The following GNB1L variants were observed in gnomAD, a reference collection of about 807,000 sequenced individuals.
GNB1L encodes the protein guanine nucleotide-binding protein subunit beta-like protein 1.
In GNB1L, 20 loss-of-function variants were observed where a neutral mutation model predicts 29.1. The ratio of observed to expected loss-of-function variants is 0.69; its 90% CI spans 0.48 to 1.00. The LOEUF is 1.00. Among genes scored for constraint, GNB1L ranks in the 50% least tolerant of loss-of-function variants. The probability of loss-of-function intolerance (pLI) is 0.00; values close to 1 mark genes in which losing one functional copy is unlikely to be tolerated. For missense variants in GNB1L, 421 were observed against 464.9 expected (o/e 0.91, Z 0.87); for synonymous variants, 193 against 206.5 (o/e 0.93, Z 0.56).
chr22:19,851,779 G>A (rs1403455020), intron 2 of GNB1L: 2 of 1,613,580 alleles, frequency 1.2e-6, no homozygotes, highest in East Asian at 2.2e-5. Flanking sequence ...GCAGGGGCAG[G>A]TCCCCATCAA....
At chr22:19,824,957 C>T (rs1180480652) in intron 2 of GNB1L, among the ~76,000 whole-genome samples, 1 of 152,214 alleles carries the variant, frequency 6.6e-6, no homozygotes, top group Non-Finnish European at 1.5e-5. Context: ...GCTGCACAGC[C>T]CTGTGCTCAG....
At chr22:19,824,495 T>A (rs980227742) in intron 2 of GNB1L, among the ~76,000 whole-genome samples, 2 of 152,252 alleles carry the variant, frequency 1.3e-5, no homozygotes, top group African/African-American at 2.4e-5. Context: ...GTGAGCCACA[T>A]TCTTTGAAAA....
intron 2 of GNB1L, among the ~76,000 whole-genome samples, chr22:19,824,447 C>T (rs1937603539): frequency 1.3e-5 from 2 of 152,216 alleles, no homozygotes; most frequent in Admixed American, 1.3e-4. Flanking sequence ...ATCCACAGAG[C>T]ACAACTTTGG....
rs573662126 is a variant in GNB1L at position 19,813,200 on chromosome 22, C to A, written c.255-753G>T. Among the ~76,000 whole-genome samples the A allele has an allele frequency of 3.9e-5, 6 of 152,288 alleles. No individual in the cohort carries two copies. In the East Asian group the frequency reaches 1.2e-3, roughly 29 times the overall value. ...AAGCACAGGTCAGCGGGCACCCAGG[C>A]GTCTCCCGGTGCTGTCCACTGAGAA... On this transcript the variant is annotated intron_variant, in intron 4 of 7. Transcript: ENST00000329517.
intron 7 of GNB1L, among the ~76,000 whole-genome samples, chr22:19,789,908 C>A (rs1452345781): frequency 6.6e-6 from 1 of 151,880 alleles, no homozygotes; most frequent in Non-Finnish European, 1.5e-5. Context: ...CTTTGGTGGC[C>A]AGACAAAAAG....
chr22:19,847,790 C>T lies in GNB1L; in HGVS notation c.-21+6653G>A, dbSNP rs1018959510. The T allele has an allele frequency of 3.6e-5, 27 of 741,632 alleles. No homozygotes were observed. The African/African-American group carries it at 8.6e-4, about 24-fold the overall frequency. 45.9% of individuals were successfully genotyped at this position (741,632 alleles called of 1,614,324 possible). On this transcript the variant is annotated intron_variant, in intron 2 of 7. Transcript: ENST00000329517. ...TCTGGGCATCTAAAACTTTTAAAAT[C>T]CTGGAATCATAGGCAAAAAAAAAAA...
chr22:19,814,004 A>C (rs28705333), intron 4 of GNB1L, among the ~76,000 whole-genome samples: 1 of 152,186 alleles, frequency 6.6e-6, no homozygotes, highest in Non-Finnish European at 1.5e-5. Context: ...AAAATAAAAA[A>C]GGATCGGGGA....
rs1235046403 is a variant in GNB1L at position 19,816,242 on chromosome 22, G to A, written c.255-3795C>T. The stretch of plus-strand genomic sequence containing the variant: ...TTCCTCAGATGACACCAGTCGTCAC[G>A]CTGCGAGGCACACGATGTGACCTGC... On this transcript the variant is annotated intron_variant, in intron 4 of 7. Transcript: ENST00000329517. The surrounding 1 kb of genome is among the most constrained non-coding windows in gnomAD (Gnocchi z 4.4). 6.6e-6 allele frequency among the ~76,000 whole-genome samples: 1 copy of A among 152,314 alleles called. No individual in the cohort carries two copies. Among genetic ancestry groups the A allele is most frequent in the East Asian group, 1.9e-4 (1 of 5,172 alleles).
chr22:19,848,950 T>C (rs1938029210), intron 2 of GNB1L: 1 of 985,390 alleles, frequency 1.0e-6, no homozygotes, highest in South Asian at 4.7e-5. Context: ...TGGGTTCTAC[T>C]GCCAGACCCA....
rs556547826 is a variant in GNB1L, at chr22:19,786,628, G to C, written c.*2081C>G. 6.6e-6 allele frequency: 1 copy of C among 152,226 alleles called. No homozygotes were observed. Among genetic ancestry groups the C allele is most frequent in the Non-Finnish European group, 1.5e-5 (1 of 68,064 alleles). The allele number at this position is 152,226 out of a possible 1,614,324, so 9.4% of individuals were successfully genotyped here. ...GAACCCTCAGGGTGGGAGCTGAGGC[G>C]GGGCAGATGTGCCTTTGGCAAGGCT... is the stretch of plus-strand genomic sequence containing the variant. On this transcript the variant is annotated 3_prime_UTR_variant, in exon 8 of 8. Transcript: ENST00000329517.
chr22:19,842,222 A>C (rs1937874174), intron 2 of GNB1L, among the ~76,000 whole-genome samples: 1 of 152,194 alleles, frequency 6.6e-6, no homozygotes, highest in African/African-American at 2.4e-5. Context: ...ATCTCCCAAA[A>C]AGCCTCACAC....
intron 7 of GNB1L, among the ~76,000 whole-genome samples, chr22:19,800,690 C>T (rs915819472): frequency 6.6e-6 from 1 of 152,232 alleles, no homozygotes; most frequent in Non-Finnish European, 1.5e-5. Context: ...CTTGTGCCCC[C>T]ATCCCCAGGA....
chr22:19,833,912 T>C (rs1219690793), intron 2 of GNB1L, among the ~76,000 whole-genome samples: 1 of 149,798 alleles, frequency 6.7e-6, no homozygotes, highest in Non-Finnish European at 1.5e-5. Flanking sequence ...AATATAAATA[T>C]AAAATAAAAG....
At chr22:19,795,291 G>T (rs2145862496) in intron 7 of GNB1L, among the ~76,000 whole-genome samples, 1 of 152,182 alleles carries the variant, frequency 6.6e-6, no homozygotes, top group South Asian at 2.1e-4. Flanking sequence ...AAAGAAACAG[G>T]CACGTTTGCA....
chr22:19,822,327 C>T (rs1386313522), intron 2 of GNB1L, among the ~76,000 whole-genome samples: 1 of 152,138 alleles, frequency 6.6e-6, no homozygotes, highest in East Asian at 1.9e-4. Flanking sequence ...AGCAGCTGTT[C>T]CCCAGACCAC....
chr22:19,815,096 G>A (rs1234621043), intron 4 of GNB1L, among the ~76,000 whole-genome samples: 3 of 151,992 alleles, frequency 2.0e-5, no homozygotes, highest in Admixed American at 6.6e-5. Flanking sequence ...ACACCAAAAG[G>A]GACTAAGGAG....
intron 2 of GNB1L, among the ~76,000 whole-genome samples, chr22:19,843,702 C>A (rs1344846247): frequency 6.6e-6 from 1 of 152,206 alleles, no homozygotes. Flanking sequence ...ACCCGAGCCC[C>A]GGCTGCCCAG....
At chr22:19,805,461 A>T (rs2057547593) in intron 6 of GNB1L, among the ~76,000 whole-genome samples, 1 of 152,240 alleles carries the variant, frequency 6.6e-6, no homozygotes, top group Admixed American at 6.5e-5. Flanking sequence ...GGCCCAGCCC[A>T]GGGCAGTTCT....
intron 2 of GNB1L, chr22:19,847,704 T>C: frequency 1.0e-6 from 1 of 984,424 alleles, no homozygotes; most frequent in Non-Finnish European, 1.2e-6. Context: ...GTGGTCAAAT[T>C]ATATTATTGT....
Sources: gnomAD v4.1 joint callset for allele counts (sites outside exome capture counted in the v4.1 genomes callset) on GRCh38, gnomAD v4.1.1 for gene constraint, Gnocchi (gnomAD v3.1) non-coding constraint, MANE v1.5 for transcripts, NCBI Gene and HGNC (gene_info 2026-07-23, HGNC 2026-07-21) for gene names.